The following USP34 variants were observed in gnomAD, a reference collection of about 807,000 sequenced individuals.
USP34 encodes ubiquitin carboxyl-terminal hydrolase 34.
In USP34, 70 loss-of-function variants were observed where a neutral mutation model predicts 460.3. That is an observed-to-expected ratio of 0.15 (90% CI 0.13 to 0.19). The LOEUF is 0.19. Among genes scored for constraint, USP34 ranks in the 10% least tolerant of loss-of-function variants. USP34 has a pLI of 1.00. For missense variants in USP34, 3,985 were observed against 4,236.2 expected, an observed-to-expected ratio of 0.94 and a Z score of 1.65; for synonymous variants, 1,647 against 1,405.3, an observed-to-expected ratio of 1.17 and a Z score of -3.85.
In USP34 at chr2:61,190,883, G is replaced by A. The variant is rs186078871; in HGVS notation, c.9589-225C>T. The A allele has an allele frequency of 9.4e-6, 4 of 426,476 alleles. No homozygotes were observed. In the East Asian group the frequency reaches 1.6e-4, roughly 17 times the overall value. 26.4% of individuals were successfully genotyped at this position (426,476 alleles called of 1,614,324 possible). On this transcript the variant is annotated intron_variant, in intron 76 of 79. Coordinates refer to ENST00000398571, the MANE Select transcript of USP34 (RefSeq NM_014709.4). Reference sequence around the variant, plus strand: ...TAATTTAGATTAAGGGAGTGCTGGGGGAAGACACTGATGCCGAAACTGAAC... The same window carrying A: ...TAATTTAGATTAAGGGAGTGCTGGGAGAAGACACTGATGCCGAAACTGAAC...
intron 3 of USP34, among the ~76,000 whole-genome samples, chr2:61,398,886 C>T (rs1693625468): frequency 6.6e-6 from 1 of 152,192 alleles, no homozygotes; most frequent in African/African-American, 2.4e-5. Context: ...CTGGCTATGA[C>T]AACCGGGGCC....
intron 67 of USP34, among the ~76,000 whole-genome samples, chr2:61,215,570 G>A (rs1009061873): frequency 4.6e-5 from 7 of 152,192 alleles, no homozygotes; most frequent in Admixed American, 2.0e-4. Flanking sequence ...CCTAGGTGCT[G>A]TATAAACTTC....
At chr2:61,333,732 TA>T (rs1489929340) in intron 19 of USP34, 149 bp downstream of exon 19, 3 of 451,154 alleles carry the variant, frequency 6.6e-6, no homozygotes, top group Non-Finnish European at 7.7e-6. Context: ...TCTACAGGGG[TA>T]AGTGGCAGAA....
chr2:61,205,312 C>T (rs1199825704), intron 72 of USP34, among the ~76,000 whole-genome samples: 1 of 152,148 alleles, frequency 6.6e-6, no homozygotes, highest in Non-Finnish European at 1.5e-5. Flanking sequence ...TCCAATCACA[C>T]AGGAAGGAAT....
At chr2:61,273,072 T>C (rs1206720563) in intron 41 of USP34, among the ~76,000 whole-genome samples, 2 of 152,016 alleles carry the variant, frequency 1.3e-5, no homozygotes, top group African/African-American at 4.8e-5. Flanking sequence ...TACACATAAA[T>C]GACAAGTTAA....
intron 75 of USP34, 62 bp from the exon 76 acceptor site, chr2:61,193,042 ACT>A: frequency 7.6e-7 from 1 of 1,308,014 alleles, no homozygotes; most frequent in South Asian, 1.3e-5. Flanking sequence ...GAGATACTCA[ACT>A]CTGCAGGTAC....
chr2:61,468,854 C>T (rs1282885683), intron 1 of USP34, among the ~76,000 whole-genome samples: 1 of 152,142 alleles, frequency 6.6e-6, no homozygotes, highest in Non-Finnish European at 1.5e-5. Context: ...CACCTCTTTT[C>T]AAAAGATAAA....
intron 1 of USP34, among the ~76,000 whole-genome samples, chr2:61,468,679 T>C (rs1449074312): frequency 6.6e-6 from 1 of 152,176 alleles, no homozygotes; most frequent in African/African-American, 2.4e-5. Flanking sequence ...GAGAAGCTGG[T>C]TGAACTAACT....
At position 61,296,874 on chromosome 2, in the gene USP34, C is replaced by G; in HGVS notation, c.4180G>C (p.Val1394Leu). ...GGAAGAAGCATCAGTAGCTCCCAGA[C>G]CCGCCTAGACAGATTTTCTGCATGA... Reference protein sequence around the residue: ...HLHAENLSRRVWELLMLLPTC... With the variant: ...HLHAENLSRRLWELLMLLPTC... The change falls in exon 30 of 80, where the codon GTC becomes CTC. Residue 1394 changes from valine (V) to leucine (L), a missense_variant. By Grantham distance (32) the Val-to-Leu change is conservative (BLOSUM62 1). This residue lies in a region of USP34 where 1,114 missense variants were observed against 1,122.5 expected (regional missense o/e 0.99). Coordinates refer to ENST00000398571, the MANE Select transcript of USP34 (RefSeq NM_014709.4). 6.2e-7 allele frequency: 1 copy of G among 1,613,930 alleles called. No individual in the cohort carries two copies. The highest frequency in any genetic ancestry group is 8.5e-7 in the Non-Finnish European group (1 of 1,179,912).
intron 25 of USP34, among the ~76,000 whole-genome samples, chr2:61,312,956 C>G (rs1177991946): frequency 1.3e-5 from 2 of 152,138 alleles, no homozygotes; most frequent in African/African-American, 4.8e-5. Context: ...TGTTTATTCC[C>G]TTAATACACA....
At position 61,280,293 on chromosome 2, in the gene USP34, C is replaced by A; in HGVS notation, c.5207G>T (p.Trp1736Leu). The A allele has an allele frequency of 6.4e-7, 1 of 1,559,048 alleles. No homozygotes were observed. The highest frequency in any genetic ancestry group is 1.4e-5 in the African/African-American group (1 of 72,560). ...ILKPGCKEYF[W>L]LLCKLVDNIH... Reference sequence around the variant, plus strand: ...GTTGTCAACTAATTTGCATAACAACCAAAAATACTCTTTACATCCTGGTTT... The same window carrying A: ...GTTGTCAACTAATTTGCATAACAACAAAAAATACTCTTTACATCCTGGTTT... The change falls in exon 39 of 80, where the codon TGG (tryptophan) becomes TTG (leucine). Residue 1736 changes from tryptophan to leucine, a missense_variant. Physicochemically the swap from Trp to Leu is moderately conservative, Grantham distance 61. Coordinates refer to ENST00000398571, the MANE Select transcript of USP34 (RefSeq NM_014709.4).
intron 34 of USP34, among the ~76,000 whole-genome samples, chr2:61,285,693 A>G (rs150157065): frequency 1.8e-4 from 28 of 152,236 alleles, no homozygotes; most frequent in African/African-American, 6.7e-4. Flanking sequence ...TGAAGAAAAT[A>G]TATTTAAAAA....
chr2:61,205,949 C>A, intron 72 of USP34, 68 bp downstream of exon 72: 1 of 1,226,086 alleles, frequency 8.2e-7, no homozygotes, highest in Non-Finnish European at 1.2e-6. Context: ...GGCTTAACAT[C>A]ACGGAAAAAC....
chr2:61,356,475 G>GCGCGCGCGCACACACACA (rs369666693), intron 10 of USP34, among the ~76,000 whole-genome samples: 2 of 128,332 alleles, frequency 1.6e-5, no homozygotes, highest in African/African-American at 5.4e-5. Context: ...GGGTGAAAGC[G>GCGCGCGCGCACACACACA]CACACACACA....
Position 61,222,667 on chromosome 2 carries a change from A to G in USP34, c.7750-4T>C. ...ATGTGAAAAGCATAGATACAATCTAAAACAGAAAGAGGAGGATTTCAGGAT... is the reference window on the plus strand; with the variant it reads ...ATGTGAAAAGCATAGATACAATCTAGAACAGAAAGAGGAGGATTTCAGGAT... On this transcript the variant is annotated splice_region_variant and splice_polypyrimidine_tract_variant and intron_variant, in intron 64 of 79. Transcript: ENST00000398571. The G allele has an allele frequency of 6.2e-7, 1 of 1,611,060 alleles. No homozygotes were observed.
At chr2:61,195,906 AT>A (rs962401555) in intron 75 of USP34, among the ~76,000 whole-genome samples, 4 of 149,766 alleles carry the variant, frequency 2.7e-5, no homozygotes, top group Admixed American at 6.7e-5. Context: ...ATAATCTTCA[AT>A]TTTTTTTTCT....
rs1042725704 is a variant in USP34 at position 61,236,080 on chromosome 2, G to A, written c.6919-7C>T. 6.2e-7 allele frequency: 1 copy of A among 1,601,786 alleles called. No individual in the cohort carries two copies. The highest frequency in any genetic ancestry group is 8.5e-7 in the Non-Finnish European group (1 of 1,176,916). On this transcript the variant is annotated splice_polypyrimidine_tract_variant and splice_region_variant and intron_variant, in intron 55 of 79. Transcript: ENST00000398571. ...GGACAAAGGAAGTGCTTAACTGTAA[G>A]AAAAGATAAAGCAAAAAAGCTTCAA... is the stretch of plus-strand genomic sequence containing the variant.
Position 61,432,836 on chromosome 2 carries a change from A to G in USP34, c.44-12003T>C, listed in dbSNP as rs563980376. Among the ~76,000 whole-genome samples, 6 of 152,234 alleles carry G rather than the reference A, an allele frequency of 3.9e-5. No individual in the cohort carries two copies. In the South Asian group the frequency reaches 1.0e-3, roughly 26 times the overall value. ...TTCCCATTTCTGCACATGACTCTAG[A>G]TATCTAAAACTTTCTACAATGACCA... On this transcript the variant is annotated intron_variant, in intron 1 of 79. Transcript: ENST00000398571.
At chr2:61,431,830 G>C (rs1316524741) in intron 1 of USP34, among the ~76,000 whole-genome samples, 3 of 151,788 alleles carry the variant, frequency 2.0e-5, no homozygotes, top group Non-Finnish European at 2.9e-5. Flanking sequence ...TTCCAGCCTG[G>C]GCAACAAGAG....
Sources: gnomAD v4.1 joint callset for allele counts (sites outside exome capture counted in the v4.1 genomes callset) on GRCh38, gnomAD v4.1.1 for gene constraint, gnomAD v4.1.1 regional missense constraint, MANE v1.5 for transcripts, NCBI Gene and HGNC (gene_info 2026-07-23, HGNC 2026-07-21) for gene names.